Variants in MOCOS observed in about 807,000 individuals in gnomAD.
MOCOS encodes the protein human molybdenum cofactor sulfurase.
Under a neutral mutation model 83.6 loss-of-function variants are expected in MOCOS, and 86 were observed. The observed-to-expected ratio is 1.03, with a 90% CI of 0.86 to 1.23. The LOEUF (loss-of-function observed/expected upper bound fraction) is 1.23, where lower values mean the gene tolerates loss of function less well. MOCOS is among the 50% of genes most tolerant of loss of function. The pLI is 0.00. For missense variants in MOCOS, 1,120 were observed against 1,126.9 expected (o/e 0.99, Z 0.09); for synonymous variants, 445 against 434.7 (o/e 1.02, Z -0.29).
chr18:36,225,247 G>A (rs1233458698), intron 9 of MOCOS, among the ~76,000 whole-genome samples: 1 of 152,132 alleles, frequency 6.6e-6, no homozygotes, highest in South Asian at 2.1e-4. Context: ...CGCCTCCTGG[G>A]TTCAAGTGAT....
At position 36,215,721 on chromosome 18, in the gene MOCOS, A is replaced by G; in HGVS notation, c.1541A>G (p.Asp514Gly). 2 of 1,614,190 alleles carry G rather than the reference A, an allele frequency of 1.2e-6. No homozygotes were observed. The highest frequency in any genetic ancestry group is 8.5e-7 in the Non-Finnish European group (1 of 1,180,030). Residue 514 changes from aspartate to glycine, a missense_variant, in exon 8 of 15, where the codon GAC becomes GGC. Asp to Gly is a moderately conservative substitution (Grantham distance 94). Coordinates refer to ENST00000261326, the MANE Select transcript of MOCOS (RefSeq NM_017947.4). ...GGGGAGACTGGAGCCCCATCAGCAG[A>G]CAGCCAGGCTGATGTTATACCTGCT... is the stretch of plus-strand genomic sequence containing the variant. ...DTGETGAPSADSQADVIPAVM... is the reference protein window; with the variant it reads ...DTGETGAPSAGSQADVIPAVM...
chr18:36,265,252 T>C (rs1454513414), intron 13 of MOCOS, among the ~76,000 whole-genome samples: 1 of 152,218 alleles, frequency 6.6e-6, no homozygotes, highest in Non-Finnish European at 1.5e-5. Flanking sequence ...ATGAAAAGCA[T>C]GAGATGCATG....
At chr18:36,214,340 A>G (rs1425004234) in intron 7 of MOCOS, among the ~76,000 whole-genome samples, 1 of 152,032 alleles carries the variant, frequency 6.6e-6, no homozygotes, top group Non-Finnish European at 1.5e-5. Context: ...TTTGAGGCCA[A>G]CCATTTAAAG....
intron 11 of MOCOS, among the ~76,000 whole-genome samples, chr18:36,254,063 A>G (rs2091631960): frequency 6.6e-6 from 1 of 152,110 alleles, no homozygotes; most frequent in Non-Finnish European, 1.5e-5. Context: ...AGGAAAGAAG[A>G]AAGCCTGTCT....
At chr18:36,253,439 G>A (rs953043479) in intron 11 of MOCOS, among the ~76,000 whole-genome samples, 1 of 152,058 alleles carries the variant, frequency 6.6e-6, no homozygotes, top group African/African-American at 2.4e-5. Flanking sequence ...AGGCCGAGGC[G>A]GGCAGATCAC....
chr18:36,241,919 G>A (rs1313411389), intron 9 of MOCOS, among the ~76,000 whole-genome samples: 1 of 152,208 alleles, frequency 6.6e-6, no homozygotes, highest in African/African-American at 2.4e-5. Context: ...TGGCCAGAAT[G>A]CAGGGCACCA....
chr18:36,241,629 G>A (rs1207015529), intron 9 of MOCOS, among the ~76,000 whole-genome samples: 1 of 152,176 alleles, frequency 6.6e-6, no homozygotes, highest in African/African-American at 2.4e-5. Context: ...GTGCCCCTGT[G>A]GGGACTCTGT....
intron 9 of MOCOS, among the ~76,000 whole-genome samples, chr18:36,227,647 C>T (rs559339324): frequency 3.9e-5 from 6 of 152,032 alleles, no homozygotes; most frequent in African/African-American, 7.2e-5. Flanking sequence ...CTGCCTGTCT[C>T]GGCCTCCCAA....
chr18:36,263,982 G>T (rs910538927), intron 13 of MOCOS, among the ~76,000 whole-genome samples: 4 of 152,184 alleles, frequency 2.6e-5, no homozygotes, highest in East Asian at 3.9e-4. Flanking sequence ...TTTGACACCA[G>T]CCTGACCAAC....
Position 36,198,744 on chromosome 18 carries a change from A to C in MOCOS, c.287A>C (p.Gln96Pro). 6.2e-7 allele frequency: 1 copy of C among 1,614,242 alleles called. No individual in the cohort carries two copies. Among genetic ancestry groups the C allele is most frequent in the Non-Finnish European group, 8.5e-7 (1 of 1,180,046 alleles). ...SSKLTHDTVEQVRYRILAHFH... is the reference protein window; with the variant it reads ...SSKLTHDTVEPVRYRILAHFH... The stretch of plus-strand genomic sequence containing the variant: ...AAGCTCACCCATGACACTGTGGAGC[A>C]GGTGCGCTACAGGTAAGCATCAGGG... Residue 96 changes from glutamine (Q) to proline (P), a missense_variant, in exon 3 of 15, where the codon CAG becomes CCG. Physicochemically the swap from Gln to Pro is moderately conservative, Grantham distance 76. Transcript: ENST00000261326.
chr18:36,193,195 C>T (rs1212634466), intron 1 of MOCOS, among the ~76,000 whole-genome samples: 4 of 150,330 alleles, frequency 2.7e-5, no homozygotes, highest in Non-Finnish European at 5.9e-5. Context: ...CCTGTAGTCC[C>T]AGCTACTCGG....
intron 9 of MOCOS, among the ~76,000 whole-genome samples, chr18:36,233,919 AG>A (rs1326129310): frequency 3.0e-3 from 1 of 334 alleles, no homozygotes; most frequent in Non-Finnish European, 6.8e-3. Flanking sequence ...AGTTCCTTGT[AG>A]AATTCTGGAT....
chr18:36,242,128 T>C (rs940963697), intron 9 of MOCOS, among the ~76,000 whole-genome samples: 4 of 152,216 alleles, frequency 2.6e-5, no homozygotes, highest in African/African-American at 9.6e-5. Flanking sequence ...AGCGTTGAAT[T>C]TCTTTTCTGT....
rs1037612714 is a variant in MOCOS at position 36,231,007 on chromosome 18, C to T, written c.1960+10790C>T. Among the ~76,000 whole-genome samples, 6 of 152,260 alleles carry T rather than the reference C, an allele frequency of 3.9e-5. No homozygotes were observed. In the East Asian group the frequency reaches 7.7e-4, roughly 20 times the overall value. On this transcript the variant is annotated intron_variant, in intron 9 of 14. Transcript: ENST00000261326. Reference sequence around the variant, plus strand: ...TGGAGCACTGATGGAAGACATTCTTCTTTATTACCAACTTGAGTGGAATGC... The same window carrying T: ...TGGAGCACTGATGGAAGACATTCTTTTTTATTACCAACTTGAGTGGAATGC...
chr18:36,209,982 G>A (rs1568052949), intron 6 of MOCOS, among the ~76,000 whole-genome samples: 1 of 152,104 alleles, frequency 6.6e-6, no homozygotes, highest in Non-Finnish European at 1.5e-5. Flanking sequence ...GCGATTACAG[G>A]TGTGCACCAC....
chr18:36,223,872 C>T (rs2091505823), intron 9 of MOCOS, among the ~76,000 whole-genome samples: 1 of 152,104 alleles, frequency 6.6e-6, no homozygotes, highest in Non-Finnish European at 1.5e-5. Context: ...CACTCTGTTG[C>T]CCAAACTGGA....
chr18:36,258,368 C>T (rs2091650420), intron 12 of MOCOS, among the ~76,000 whole-genome samples: 1 of 152,120 alleles, frequency 6.6e-6, no homozygotes, highest in Admixed American at 6.5e-5. Flanking sequence ...ATAAAACATG[C>T]CCTTTTACGA....
intron 11 of MOCOS, 83 bp downstream of exon 11, chr18:36,251,366 T>TA: frequency 6.5e-7 from 1 of 1,534,172 alleles, no homozygotes; most frequent in South Asian, 1.1e-5. Flanking sequence ...GAACTGCACT[T>TA]ACGGGTGACT....
intron 9 of MOCOS, among the ~76,000 whole-genome samples, chr18:36,242,120 C>T (rs184730068): frequency 9.2e-5 from 14 of 152,286 alleles, no homozygotes; most frequent in Admixed American, 2.0e-4. Context: ...TCTACAGCAG[C>T]GTTGAATTTC....
Sources: allele counts gnomAD v4.1 joint callset (sites outside exome capture counted in the v4.1 genomes callset), GRCh38; gene constraint gnomAD v4.1.1; transcripts MANE v1.5; gene names NCBI Gene and HGNC (gene_info 2026-07-23, HGNC 2026-07-21).